Variants in SLC16A9 observed in about 807,000 individuals in gnomAD.
The protein encoded by SLC16A9 is solute carrier family 16 member 9.
In SLC16A9, 26 loss-of-function variants were observed where a neutral mutation model predicts 44.3. The observed-to-expected ratio is 0.59, with a 90% CI of 0.43 to 0.81. SLC16A9 has a LOEUF of 0.81. Among genes scored for constraint, SLC16A9 ranks in the 40% least tolerant of loss-of-function variants. The pLI is 0.00. For synonymous variants in SLC16A9, 230 were observed against 225.1 expected (o/e 1.02, Z -0.19); for missense variants, 559 against 595.8 (o/e 0.94, Z 0.64).
At chr10:59,663,832 C>CT (rs1839541837) in intron 4 of SLC16A9, among the ~76,000 whole-genome samples, 1 of 151,882 alleles carries the variant, frequency 6.6e-6, no homozygotes, top group Non-Finnish European at 1.5e-5. Flanking sequence ...GAAAAAATAG[C>CT]TTTTTTAGAA....
intron 1 of SLC16A9, among the ~76,000 whole-genome samples, chr10:59,704,786 A>G (rs559545447): frequency 6.6e-6 from 1 of 152,352 alleles, no homozygotes; most frequent in African/African-American, 2.4e-5. Context: ...TGGTGAAGAA[A>G]TCTATGATAA....
chr10:59,680,015 C>G (rs1026294914), intron 2 of SLC16A9, among the ~76,000 whole-genome samples: 1 of 152,078 alleles, frequency 6.6e-6, no homozygotes, highest in Admixed American at 6.5e-5. Flanking sequence ...CTGTCTCTTC[C>G]CTGAGACTAC....
rs1839553489 is a variant in SLC16A9, at chr10:59,664,249, T to C, written c.414A>G (p.Leu138=). Residue 138 remains leucine (L), a synonymous_variant, in exon 4 of 6, where the codon CTA becomes CTG. Transcript: ENST00000395348. ...TCQYFDDRRG[L]ALGLISTGSS... is the part of the protein sequence containing the mutation. ...TACCTGTTGAAATCAGGCCAAGCGC[T>C]AGGCCTCGGCGATCGTCAAAATACT... is the stretch of plus-strand genomic sequence containing the variant. 3 of 1,611,890 alleles carry C rather than the reference T, an allele frequency of 1.9e-6. No homozygotes were observed. The highest frequency in any genetic ancestry group is 2.5e-6 in the Non-Finnish European group (3 of 1,178,730).
chr10:59,689,903 T>C (rs1187308597), intron 1 of SLC16A9, among the ~76,000 whole-genome samples: 1 of 152,242 alleles, frequency 6.6e-6, no homozygotes, highest in Non-Finnish European at 1.5e-5. Flanking sequence ...CTTCTTCATA[T>C]CTTATGATCT....
rs368933128 is a variant in SLC16A9 at position 59,678,547 on chromosome 10, T to TTTTTTTTTTTTTTTTTTTTC, written c.196+5548_196+5549insGAAAAAAAAAAAAAAAAAAA. 1.2e-4 allele frequency among the ~76,000 whole-genome samples: 2 copies of TTTTTTTTTTTTTTTTTTTTC among 16,428 alleles called. 1 individual carries two copies. The highest frequency in any genetic ancestry group is 4.6e-4 in the Non-Finnish European group (2 of 4,328). 10.8% of individuals were successfully genotyped at this position (16,428 alleles called of 152,430 possible). On this transcript the variant is annotated intron_variant, in intron 2 of 5. Coordinates refer to ENST00000395348, the MANE Select transcript of SLC16A9 (RefSeq NM_194298.3). Reference sequence around the variant, plus strand: ...TCTTTTTTTTTTCTTTTTCTTTTTCTTTTTTTTGAGACGGAGTCTCGCTCT... The same window carrying TTTTTTTTTTTTTTTTTTTTC: ...TCTTTTTTTTTTCTTTTTCTTTTTCTTTTTTTTTTTTTTTTTTTTCTTTTTTTGAGACGGAGTCTCGCTCT...
chr10:59,658,084 T>C (rs924779843), intron 4 of SLC16A9, among the ~76,000 whole-genome samples: 1 of 152,224 alleles, frequency 6.6e-6, no homozygotes, highest in African/African-American at 2.4e-5. Flanking sequence ...AATGGGAACC[T>C]TGGTCTCCAC....
intron 2 of SLC16A9, among the ~76,000 whole-genome samples, chr10:59,677,557 G>A (rs764913847): frequency 1.4e-4 from 22 of 152,098 alleles, no homozygotes; most frequent in Non-Finnish European, 2.9e-4. Context: ...ACTCAGACAA[G>A]AGGCAAAACA....
intron 1 of SLC16A9, among the ~76,000 whole-genome samples, chr10:59,688,883 G>C (rs1278323676): frequency 6.6e-6 from 1 of 151,790 alleles, no homozygotes. Context: ...CGGGCAATGG[G>C]GGAGGATGAA....
At chr10:59,654,862 T>C (rs889314004) in intron 4 of SLC16A9, among the ~76,000 whole-genome samples, 2 of 152,234 alleles carry the variant, frequency 1.3e-5, no homozygotes, top group Non-Finnish European at 1.5e-5. Context: ...GAGTAGGTCC[T>C]ATTATTATTC....
At chr10:59,685,264 T>C (rs1840106790) in intron 1 of SLC16A9, among the ~76,000 whole-genome samples, 1 of 152,226 alleles carries the variant, frequency 6.6e-6, no homozygotes, top group Admixed American at 6.5e-5. Flanking sequence ...CATATGGCTG[T>C]ATGCTTGCTT....
intron 2 of SLC16A9, among the ~76,000 whole-genome samples, chr10:59,674,222 A>C (rs1839812301): frequency 6.6e-6 from 1 of 152,192 alleles, no homozygotes; most frequent in Non-Finnish European, 1.5e-5. Context: ...AAACAATGGA[A>C]TCCATCATGG....
chr10:59,665,428 G>A (rs192145195), intron 3 of SLC16A9, among the ~76,000 whole-genome samples: 1 of 152,286 alleles, frequency 6.6e-6, no homozygotes, highest in East Asian at 1.9e-4. Context: ...TAGGAAATCA[G>A]CACTTAACCC....
At position 59,654,291 on chromosome 10, in the gene SLC16A9, A is replaced by T. The variant is rs1320168126; in HGVS notation, c.735T>A (p.Gly245=). 6 of 1,614,066 alleles carry T rather than the reference A, an allele frequency of 3.7e-6. No individual in the cohort carries two copies. The Admixed American group carries it at 8.3e-5, about 22-fold the overall frequency. ...GAAGTAGGCTGTCTTGTTTCCAGTC[A>T]CCATTGGCTAACGTGATCCTGCATT... is the stretch of plus-strand genomic sequence containing the variant. The part of the protein sequence containing the change: ...EEKCRITLAN[G]DWKQDSLLHK... The change falls in exon 5 of 6, where the codon GGT becomes GGA. Residue 245 remains glycine (G), a synonymous_variant. Transcript: ENST00000395348.
At chr10:59,679,751 A>G (rs993456829) in intron 2 of SLC16A9, among the ~76,000 whole-genome samples, 14 of 152,184 alleles carry the variant, frequency 9.2e-5, no homozygotes, top group African/African-American at 3.4e-4. Flanking sequence ...ACCTCCCAAC[A>G]CAATCCCTCC....
chr10:59,683,516 T>TGATTG (rs998679083), intron 2 of SLC16A9, among the ~76,000 whole-genome samples: 2 of 152,216 alleles, frequency 1.3e-5, no homozygotes, highest in African/African-American at 4.8e-5. Flanking sequence ...TTTAATTTTG[T>TGATTG]GATTGGATTG....
chr10:59,697,154 G>A (rs1314109483), intron 1 of SLC16A9, among the ~76,000 whole-genome samples: 3 of 138,672 alleles, frequency 2.2e-5, no homozygotes, highest in Non-Finnish European at 3.2e-5. Flanking sequence ...TCCGGGAGGT[G>A]AGGGGCGCCT....
chr10:59,661,441 G>T (rs905101369), intron 4 of SLC16A9, among the ~76,000 whole-genome samples: 11 of 152,178 alleles, frequency 7.2e-5, no homozygotes, highest in South Asian at 2.1e-4. Flanking sequence ...AACTTACAAG[G>T]CATGTGAAGG....
intron 3 of SLC16A9, among the ~76,000 whole-genome samples, chr10:59,665,868 C>G (rs1839603454): frequency 6.6e-6 from 1 of 152,014 alleles, no homozygotes. Context: ...GAAACAGCAA[C>G]TTTTAAACTT....
chr10:59,661,876 C>A (rs1290680426), intron 4 of SLC16A9, among the ~76,000 whole-genome samples: 3 of 152,000 alleles, frequency 2.0e-5, no homozygotes, highest in Admixed American at 6.6e-5. Flanking sequence ...CAAAAACAAG[C>A]AATGGGGAAA....
Sources: allele counts gnomAD v4.1 joint callset (sites outside exome capture counted in the v4.1 genomes callset), GRCh38; gene constraint gnomAD v4.1.1; transcripts MANE v1.5; gene names NCBI Gene and HGNC (gene_info 2026-07-23, HGNC 2026-07-21).